Variants in FXR2 observed in about 807,000 individuals in gnomAD.
FXR2 encodes the protein RNA-binding protein FXR2.
In FXR2, 9 loss-of-function variants were observed where a neutral mutation model predicts 87.3. The observed-to-expected ratio is 0.10, with a 90% CI of 0.06 to 0.18. FXR2 has a LOEUF of 0.18. Among genes scored for constraint, FXR2 ranks in the 10% least tolerant of loss-of-function variants. The pLI, the probability that FXR2 is intolerant of heterozygous loss-of-function variation, is 1.00. For synonymous variants in FXR2, 331 were observed against 328.3 expected, an observed-to-expected ratio of 1.01 and a Z score of -0.09; for missense variants, 661 against 893.6, an observed-to-expected ratio of 0.74 and a Z score of 3.32.
chr17:7,594,890 C>A lies in FXR2; in HGVS notation c.832-133G>T, dbSNP rs1015414608. 5 of 656,814 alleles carry A rather than the reference C, an allele frequency of 7.6e-6. No homozygotes were observed. Among genetic ancestry groups the A allele is most frequent in the African/African-American group, 3.6e-5 (2 of 55,074 alleles). 40.7% of individuals were successfully genotyped at this position (656,814 alleles called of 1,614,324 possible). ...ATTGAGCTCAAGAGTTCAAGACTAG[C>A]CTGGGCAATATGGTGAAACGCCATC... On this transcript the variant is annotated intron_variant, in intron 8 of 16. Coordinates refer to ENST00000250113, the MANE Select transcript of FXR2 (RefSeq NM_004860.4). The surrounding 1 kb of genome is among the most constrained non-coding windows in gnomAD (Gnocchi z 5.1).
Position 7,594,395 on chromosome 17 carries a change from A to G in FXR2, c.911-48T>C. The G allele has an allele frequency of 3.3e-6, 4 of 1,201,610 alleles. No individual in the cohort carries two copies. The highest frequency in any genetic ancestry group is 4.9e-6 in the Non-Finnish European group (4 of 813,814). The allele number at this position is 1,201,610 out of a possible 1,614,324, so 74.4% of individuals were successfully genotyped here. On this transcript the variant is annotated intron_variant, in intron 9 of 16. Transcript: ENST00000250113. The surrounding 1 kb of genome is among the most constrained non-coding windows in gnomAD (Gnocchi z 5.1). ...TCAGCCTTTTATTTTTTTTAAGGAA[A>G]TAAGAATAAAGCTGATACACCGTCT... is the stretch of plus-strand genomic sequence containing the variant.
At chr17:7,603,184 TA>T (rs373560232) in intron 5 of FXR2, among the ~76,000 whole-genome samples, 182 bp from the exon 6 acceptor site, 5,494 of 135,388 alleles carry the variant, frequency 0.041, 238 homozygotes, top group African/African-American at 0.12. Flanking sequence ...CTGTCTCTAT[TA>T]AAAAAAAAAA....
At position 7,591,896 on chromosome 17, in the gene FXR2, G is replaced by A. The variant is rs1317381217; in HGVS notation, c.1956C>T (p.Gly652=). The A allele has an allele frequency of 1.6e-5, 25 of 1,603,692 alleles. No individual in the cohort carries two copies. Among genetic ancestry groups the A allele is most frequent in the Non-Finnish European group, 1.9e-5 (22 of 1,170,796 alleles). Residue 652 remains glycine (G), a synonymous_variant, in exon 17 of 17, where the codon GGC becomes GGT. Coordinates refer to ENST00000250113, the MANE Select transcript of FXR2 (RefSeq NM_004860.4). This position sits in a 1 kb window ranked among gnomAD's most constrained non-coding sequence, Gnocchi z 4.0. Reference sequence around the variant, plus strand: ...CGGAGAGCTCCCCATTCTCCGAGGGGCCCTTAGGAAGCTTGCTGACAGAGT... The same window carrying A: ...CGGAGAGCTCCCCATTCTCCGAGGGACCCTTAGGAAGCTTGCTGACAGAGT... ...KGDSVSKLPK[G]PSENGELSAP...
At position 7,614,602 on chromosome 17, in the gene FXR2, C is replaced by G. The variant is rs1457174132; in HGVS notation, c.-70G>C. The stretch of plus-strand genomic sequence containing the variant: ...CAGTCTGAGTGCGGGCCGGGCCAGG[C>G]CCCCGGCGTCTCCCCGGAGGAGGAG... On this transcript the variant is annotated 5_prime_UTR_variant, in exon 1 of 17. Transcript: ENST00000250113. The G allele has an allele frequency of 2.0e-5, 19 of 968,252 alleles. No individual in the cohort carries two copies. The highest frequency in any genetic ancestry group is 2.6e-5 in the Non-Finnish European group (19 of 731,870). 60.0% of individuals were successfully genotyped at this position (968,252 alleles called of 1,614,324 possible). A position where few individuals can be genotyped will look rare whatever the true frequency, so the allele number is the denominator to read the frequency against.
rs2071771515 is a variant in FXR2 at position 7,603,008 on chromosome 17, G to C, written c.450-6C>G. ...GGACGTTTTCATTGGAGCAGCTGCA[G>C]AGGAAAAAAGTACTCAGCGGGCAGA... is the stretch of plus-strand genomic sequence containing the variant. On this transcript the variant is annotated splice_polypyrimidine_tract_variant and splice_region_variant and intron_variant, in intron 5 of 16. Coordinates refer to ENST00000250113, the MANE Select transcript of FXR2 (RefSeq NM_004860.4). 1.3e-6 allele frequency: 2 copies of C among 1,481,536 alleles called. No homozygotes were observed. Among genetic ancestry groups the C allele is most frequent in the Non-Finnish European group, 1.9e-6 (2 of 1,065,030 alleles). 91.8% of individuals were successfully genotyped at this position (1,481,536 alleles called of 1,614,324 possible). A position where few individuals can be genotyped will look rare whatever the true frequency, so the allele number is the denominator to read the frequency against.
At chr17:7,606,570 A>C (rs1278672338) in intron 1 of FXR2, among the ~76,000 whole-genome samples, 2 of 152,220 alleles carry the variant, frequency 1.3e-5, no homozygotes, top group East Asian at 3.8e-4. Flanking sequence ...TCGAGAGAGA[A>C]GGGCCTACCT....
chr17:7,602,738 GA>G (rs951665105), intron 6 of FXR2, 170 bp downstream of exon 6: 760 of 486,218 alleles, frequency 1.6e-3, no homozygotes, highest in Middle Eastern at 2.7e-3. Flanking sequence ...TCAAAAAAAA[GA>G]AAAAAAAAAG....
rs745565209 is a variant in FXR2, at chr17:7,614,475, C to T, written c.58G>A (p.Gly20Ser). 4.0e-5 allele frequency: 62 copies of T among 1,541,388 alleles called. 3 individuals carry two copies. In the South Asian group the frequency reaches 6.6e-4, roughly 16 times the overall value. The change falls in exon 1 of 17, where the codon GGC (glycine) becomes AGC (serine). Residue 20 changes from glycine to serine, a missense_variant. Physicochemically the swap from Gly to Ser is moderately conservative, Grantham distance 56. Around this residue, in one of 3 missense-constraint regions of FXR2, gnomAD observed 170 missense variants for 247.2 expected, o/e 0.69. Transcript: ENST00000250113. The stretch of plus-strand genomic sequence containing the variant: ...ACCTTGTAGAAGGCCCCGTTGGAGC[C>T]GCGCACCTCGACGGGCAGTCCCGGC... ...VEPGLPVEVRGSNGAFYKGFV... is the reference protein window; with the variant it reads ...VEPGLPVEVRSSNGAFYKGFV...
At chr17:7,606,770 A>C (rs539304636) in intron 1 of FXR2, among the ~76,000 whole-genome samples, 77 of 152,264 alleles carry the variant, frequency 5.1e-4, no homozygotes, top group African/African-American at 1.6e-3. Flanking sequence ...ATAATTTATA[A>C]AGGATAATAA....
At position 7,592,721 on chromosome 17, in the gene FXR2, C is replaced by T. The variant is rs367923883; in HGVS notation, c.1702G>A (p.Gly568Arg). 6.2e-7 allele frequency: 1 copy of T among 1,613,544 alleles called. No individual in the cohort carries two copies. Among genetic ancestry groups the T allele is most frequent in the African/African-American group, 1.3e-5 (1 of 74,890 alleles). Residue 568 changes from glycine (G) to arginine (R), a missense_variant, in exon 14 of 17, where the codon GGG becomes AGG. By Grantham distance (125) the Gly-to-Arg change is moderately radical (BLOSUM62 -2). Coordinates refer to ENST00000250113, the MANE Select transcript of FXR2 (RefSeq NM_004860.4). This position sits in a 1 kb window ranked among gnomAD's most constrained non-coding sequence, Gnocchi z 4.8. ...TVMDGGLESDGPNMTENGLED... is the reference protein window; with the variant it reads ...TVMDGGLESDRPNMTENGLED... ...AGGCCATTCTCTGTCATGTTGGGCCCATCTGATTCCAGGCCTCCATCCATG... is the reference window on the plus strand; with the variant it reads ...AGGCCATTCTCTGTCATGTTGGGCCTATCTGATTCCAGGCCTCCATCCATG...
chr17:7,610,065 CA>C, intron 1 of FXR2, among the ~76,000 whole-genome samples: 1 of 115,392 alleles, frequency 8.7e-6, no homozygotes, highest in Admixed American at 9.2e-5. Flanking sequence ...CACACACACA[CA>C]TATATATAAA....
chr17:7,611,964 T>C (rs1218241054), intron 1 of FXR2, among the ~76,000 whole-genome samples: 1 of 152,174 alleles, frequency 6.6e-6, no homozygotes, highest in African/African-American at 2.4e-5. Context: ...TTACCTGGCT[T>C]TCAGCTCAAC....
intron 7 of FXR2, among the ~76,000 whole-genome samples, 182 bp downstream of exon 7, chr17:7,601,227 C>T (rs999389498): frequency 1.3e-5 from 2 of 150,812 alleles, no homozygotes; most frequent in Non-Finnish European, 2.9e-5. Flanking sequence ...AAAATAATTG[C>T]ACTATACCAT....
At chr17:7,614,028 G>A (rs2071905689) in intron 1 of FXR2, 1 of 460,614 alleles carries the variant, frequency 2.2e-6, no homozygotes, top group Non-Finnish European at 4.3e-6. Flanking sequence ...TTACGGGACA[G>A]AGGGCCTTCC....
At chr17:7,604,160 T>C (rs1029925203) in intron 3 of FXR2, 80 bp from the exon 4 acceptor site, 2 of 1,060,490 alleles carry the variant, frequency 1.9e-6, no homozygotes, top group African/African-American at 1.6e-5. Flanking sequence ...CCGGGCATGG[T>C]GGGGCTCACA....
intron 6 of FXR2, 162 bp downstream of exon 6, chr17:7,602,747 A>AG: frequency 1.9e-6 from 1 of 540,448 alleles, no homozygotes; most frequent in Non-Finnish European, 3.3e-6. Context: ...AGAAAAAAAA[A>AG]AGGTAGGGCT....
chr17:7,614,162 G>C (rs1244667043), intron 1 of FXR2: 1 of 635,776 alleles, frequency 1.6e-6, no homozygotes. Context: ...CTGGGTAAAG[G>C]GGTCTCTCCT....
rs145920122 is a variant in FXR2 at position 7,593,211 on chromosome 17, C to T, written c.1331-30G>A. ...AGAACACAATGGGATTTATTCACGG[C>T]CATTCATCCCACCTCAGGATCCATC... On this transcript the variant is annotated intron_variant, in intron 12 of 16. Transcript: ENST00000250113. This position sits in a 1 kb window ranked among gnomAD's most constrained non-coding sequence, Gnocchi z 6.1. 4.2e-4 allele frequency: 619 copies of T among 1,462,454 alleles called. 6 individuals carry two copies. In the East Asian group the frequency reaches 0.011, roughly 27 times the overall value. The allele number at this position is 1,462,454 out of a possible 1,614,324, so 90.6% of individuals were successfully genotyped here.
In FXR2 at chr17:7,594,823, C is replaced by T. The variant is rs2071694538; in HGVS notation, c.832-66G>A. Reference sequence around the variant, plus strand: ...ACCAGCTGGATGTGGTGGCTCACGCCTGTAATCCCAGCACTTTGGGAGGCT... The same window carrying T: ...ACCAGCTGGATGTGGTGGCTCACGCTTGTAATCCCAGCACTTTGGGAGGCT... On this transcript the variant is annotated intron_variant, in intron 8 of 16. Coordinates refer to ENST00000250113, the MANE Select transcript of FXR2 (RefSeq NM_004860.4). This position sits in a 1 kb window ranked among gnomAD's most constrained non-coding sequence, Gnocchi z 5.1. 1 of 969,128 alleles carries T rather than the reference C, an allele frequency of 1.0e-6. No homozygotes were observed. The highest frequency in any genetic ancestry group is 1.6e-5 in the African/African-American group (1 of 62,650). The allele number at this position is 969,128 out of a possible 1,614,324, so 60.0% of individuals were successfully genotyped here.
Sources: gnomAD v4.1 joint callset for allele counts (sites outside exome capture counted in the v4.1 genomes callset) on GRCh38, gnomAD v4.1.1 for gene constraint, gnomAD v4.1.1 regional missense constraint, Gnocchi (gnomAD v3.1) non-coding constraint, MANE v1.5 for transcripts, NCBI Gene and HGNC (gene_info 2026-07-23, HGNC 2026-07-21) for gene names.